The following NALCN variants were observed in gnomAD, a reference collection of about 807,000 sequenced individuals.
NALCN encodes the protein sodium leak channel, non-selective.
NALCN carries 111 observed loss-of-function variants against 225.3 expected under a neutral mutation model. That is an observed-to-expected ratio of 0.49 (90% CI 0.42 to 0.58). NALCN has a LOEUF of 0.58. Among genes scored for constraint, NALCN ranks in the 20% least tolerant of loss-of-function variants. NALCN has a pLI of 0.00. For synonymous variants in NALCN, 764 were observed against 769.0 expected (o/e 0.99, Z 0.11); for missense variants, 1,378 against 2,202.4 (o/e 0.63, Z 7.49).
At chr13:101,155,800 A>C (rs931034762) in intron 15 of NALCN, among the ~76,000 whole-genome samples, 5 of 152,194 alleles carry the variant, frequency 3.3e-5, no homozygotes, top group African/African-American at 1.2e-4. Flanking sequence ...GGACACTTTG[A>C]GGCCATGCAA....
chr13:101,199,927 AGCCCTTTGCAT>A, intron 13 of NALCN, among the ~76,000 whole-genome samples: 1 of 152,262 alleles, frequency 6.6e-6, no homozygotes, highest in African/African-American at 2.4e-5. Context: ...ATCCAATGCC[AGCCCTTTGCAT>A]GCTCCTTTGC....
intron 13 of NALCN, among the ~76,000 whole-genome samples, chr13:101,214,867 G>T (rs925225039): frequency 4.6e-5 from 7 of 152,106 alleles, no homozygotes; most frequent in African/African-American, 1.7e-4. Flanking sequence ...GGCAAAAGGG[G>T]ATGACAAGGG....
chr13:101,055,080 G>GTCA lies in NALCN; in HGVS notation c.*212_*214dup. 1 of 552,262 alleles carries GTCA rather than the reference G, an allele frequency of 1.8e-6. No individual in the cohort carries two copies. Among genetic ancestry groups the GTCA allele is most frequent in the Non-Finnish European group, 3.2e-6 (1 of 312,282 alleles). The allele number at this position is 552,262 out of a possible 1,614,324, so 34.2% of individuals were successfully genotyped here. A position where few individuals can be genotyped will look rare whatever the true frequency, so the allele number is the denominator to read the frequency against. On this transcript the variant is annotated 3_prime_UTR_variant, in exon 44 of 44. Coordinates refer to ENST00000251127, the MANE Select transcript of NALCN (RefSeq NM_052867.4). ...TATCATTTCTAATATTATCAGTACT[G>GTCA]TCATTATACAAAAATTTTTTTGAGC...
At position 101,416,393 on chromosome 13, in the gene NALCN, C is replaced by G. The variant is rs1338341565; in HGVS notation, c.-120G>C. On this transcript the variant is annotated 5_prime_UTR_variant, in exon 1 of 44. Coordinates refer to ENST00000251127, the MANE Select transcript of NALCN (RefSeq NM_052867.4). ...CAGTGGGCGACCGGCAGGATCAGTG[C>G]CAGGCGCGGCGCCCAGGGCGGGCGG... 6.5e-6 allele frequency: 1 copy of G among 152,784 alleles called. No individual in the cohort carries two copies. The highest frequency in any genetic ancestry group is 1.5e-5 in the Non-Finnish European group (1 of 68,734). 9.5% of individuals were successfully genotyped at this position (152,784 alleles called of 1,614,324 possible).
intron 6 of NALCN, among the ~76,000 whole-genome samples, chr13:101,346,087 C>CTCTCTCTCTCTATATATATATATATA: frequency 6.2e-4 from 44 of 70,952 alleles, no homozygotes; most frequent in Admixed American, 2.0e-3. Context: ...CTCTCTCTCT[C>CTCTCTCTCTCTATATATATATATATA]TATATATATA....
chr13:101,314,704 A>C (rs1395851998), intron 7 of NALCN, among the ~76,000 whole-genome samples: 2 of 152,238 alleles, frequency 1.3e-5, no homozygotes, highest in Non-Finnish European at 2.9e-5. Flanking sequence ...AATGCAAATT[A>C]TACTGAACAA....
intron 30 of NALCN, among the ~76,000 whole-genome samples, chr13:101,084,036 A>G (rs2033808203): frequency 6.6e-6 from 1 of 152,192 alleles, no homozygotes; most frequent in Non-Finnish European, 1.5e-5. Context: ...TTCGACTTGT[A>G]TCTTTGGAGA....
intron 3 of NALCN, among the ~76,000 whole-genome samples, chr13:101,389,652 C>T (rs549156549): frequency 2.9e-4 from 44 of 152,282 alleles, no homozygotes; most frequent in Middle Eastern, 3.4e-3. Context: ...AGGGACCCCT[C>T]GTACTGACAA....
chr13:101,109,153 T>G (rs543498759), intron 20 of NALCN, among the ~76,000 whole-genome samples: 2 of 152,324 alleles, frequency 1.3e-5, no homozygotes, highest in African/African-American at 4.8e-5. Flanking sequence ...GAATGAGGGT[T>G]GCCTCTTTGA....
At chr13:101,107,423 T>G in intron 22 of NALCN, 64 bp downstream of exon 22, 2 of 1,607,020 alleles carry the variant, frequency 1.2e-6, no homozygotes, top group Admixed American at 1.7e-5. Flanking sequence ...CTTCTTCATA[T>G]GACAACACCC....
chr13:101,293,151 T>C (rs1396996281), intron 7 of NALCN, among the ~76,000 whole-genome samples: 1 of 152,124 alleles, frequency 6.6e-6, no homozygotes, highest in Non-Finnish European at 1.5e-5. Context: ...AAGATAATAA[T>C]TAAGGGAACT....
chr13:101,173,253 T>C (rs1167035113), intron 15 of NALCN, among the ~76,000 whole-genome samples: 2 of 152,244 alleles, frequency 1.3e-5, no homozygotes, highest in Non-Finnish European at 2.9e-5. Flanking sequence ...GAGGATGCCT[T>C]TGTTATCTAC....
At chr13:101,294,375 T>C (rs2043659722) in intron 7 of NALCN, among the ~76,000 whole-genome samples, 2 of 152,126 alleles carry the variant, frequency 1.3e-5, no homozygotes. Flanking sequence ...AGGTTATGGA[T>C]ATCCTAAATA....
At chr13:101,135,628 A>G (rs1333610774) in intron 17 of NALCN, among the ~76,000 whole-genome samples, 2 of 152,128 alleles carry the variant, frequency 1.3e-5, no homozygotes, top group Non-Finnish European at 2.9e-5. Flanking sequence ...TCCTGAGCTC[A>G]GGTGATCCGC....
At chr13:101,280,442 G>C (rs936947961) in intron 10 of NALCN, among the ~76,000 whole-genome samples, 7 of 151,958 alleles carry the variant, frequency 4.6e-5, no homozygotes, top group East Asian at 1.9e-4. Flanking sequence ...CTATCTCCTT[G>C]CTCGATTTTG....
chr13:101,098,454 T>C (rs1311371388), intron 27 of NALCN, among the ~76,000 whole-genome samples: 1 of 152,126 alleles, frequency 6.6e-6, no homozygotes, highest in African/African-American at 2.4e-5. Flanking sequence ...CCTCAGCGTT[T>C]GTTTACAGGG....
chr13:101,233,615 C>CA (rs1222659404), intron 12 of NALCN, among the ~76,000 whole-genome samples: 1 of 152,120 alleles, frequency 6.6e-6, no homozygotes, highest in Non-Finnish European at 1.5e-5. Context: ...GCTGGGATTA[C>CA]AGGTGTGAGC....
chr13:101,349,014 T>C (rs1321946432), intron 6 of NALCN, among the ~76,000 whole-genome samples: 1 of 152,164 alleles, frequency 6.6e-6, no homozygotes, highest in Non-Finnish European at 1.5e-5. Flanking sequence ...TCAGGTACTT[T>C]GGATAGAGAA....
intron 14 of NALCN, among the ~76,000 whole-genome samples, chr13:101,177,267 A>G (rs1229199256): frequency 1.3e-5 from 2 of 152,204 alleles, no homozygotes; most frequent in Admixed American, 1.3e-4. Context: ...CAGATTCCCA[A>G]CCTTGAGAAA....
Sources: gnomAD v4.1 joint callset for allele counts (sites outside exome capture counted in the v4.1 genomes callset) on GRCh38, gnomAD v4.1.1 for gene constraint, MANE v1.5 for transcripts, NCBI Gene and HGNC (gene_info 2026-07-23, HGNC 2026-07-21) for gene names.